The following POU2AF2 variants were observed in gnomAD, a reference collection of about 807,000 sequenced individuals.
The protein encoded by POU2AF2 is POU class 2 homeobox associating factor 2.
At chr11:111,284,679 G>A in the POU2AF2 span, among the ~76,000 whole-genome samples, 1 of 152,214 alleles carries the variant, frequency 6.6e-6, no homozygotes, top group Non-Finnish European at 1.5e-5. Context: ...CCCCCACCCT[G>A]TTAGTGCCAG....
chr11:111,255,261 C>T, the POU2AF2 span, among the ~76,000 whole-genome samples: 2 of 152,128 alleles, frequency 1.3e-5, no homozygotes, highest in Non-Finnish European at 2.9e-5. Context: ...ATAATTTAGT[C>T]GCAGACCTCA....
the POU2AF2 span, among the ~76,000 whole-genome samples, chr11:111,276,453 A>AAAAAAAAAAAATATATAT: frequency 5.3e-5 from 2 of 37,674 alleles, no homozygotes; most frequent in Admixed American, 3.5e-4. Context: ...AAAAAAAAAA[A>AAAAAAAAAAAATATATAT]ATATATATAT....
At chr11:111,269,722 C>T in the POU2AF2 span, among the ~76,000 whole-genome samples, 1 of 152,026 alleles carries the variant, frequency 6.6e-6, no homozygotes, top group African/African-American at 2.4e-5. Flanking sequence ...AATAGCATTC[C>T]AAAGGCATGC....
chr11:111,276,454 ATATAT>A, the POU2AF2 span, among the ~76,000 whole-genome samples: 1,036 of 18,968 alleles, frequency 0.055, 38 homozygotes, highest in African/African-American at 0.14. Flanking sequence ...AAAAAAAAAA[ATATAT>A]ATATATATAT....
At chr11:111,262,033 T>A in the POU2AF2 span, among the ~76,000 whole-genome samples, 1 of 152,212 alleles carries the variant, frequency 6.6e-6, no homozygotes, top group African/African-American at 2.4e-5. Context: ...GCTTTTCAAA[T>A]CAGTATTACT....
the POU2AF2 span, among the ~76,000 whole-genome samples, chr11:111,249,483 T>C: frequency 6.6e-6 from 1 of 152,234 alleles, no homozygotes; most frequent in Non-Finnish European, 1.5e-5. Flanking sequence ...TTCACTTACC[T>C]GTACCCCTGC....
the POU2AF2 span, chr11:111,284,333 C>T: frequency 6.2e-6 from 10 of 1,611,264 alleles, no homozygotes; most frequent in East Asian, 2.2e-4. Flanking sequence ...CCTACCGCCG[C>T]TCCTGCCACC....
At chr11:111,283,963 G>T in the POU2AF2 span, 2 of 890,952 alleles carry the variant, frequency 2.2e-6, no homozygotes, top group Non-Finnish European at 3.6e-6. Flanking sequence ...TGTTAGCGTT[G>T]GAGTCAGGCA....
At chr11:111,284,401 G>A in the POU2AF2 span, 1 of 1,565,404 alleles carries the variant, frequency 6.4e-7, no homozygotes, top group Non-Finnish European at 8.6e-7. Flanking sequence ...GACCTCGTGT[G>A]AGGGAGTAAA....
chr11:111,263,640 C>T, the POU2AF2 span, among the ~76,000 whole-genome samples: 3 of 152,018 alleles, frequency 2.0e-5, no homozygotes, highest in Admixed American at 2.0e-4. Flanking sequence ...ACCATATTGG[C>T]CAGGCTGGTC....
chr11:111,254,695 T>C, the POU2AF2 span, among the ~76,000 whole-genome samples: 1 of 152,210 alleles, frequency 6.6e-6, no homozygotes, highest in African/African-American at 2.4e-5. Context: ...TCATTCTTTT[T>C]ACAATCCAAT....
the POU2AF2 span, among the ~76,000 whole-genome samples, chr11:111,257,940 A>G: frequency 6.6e-6 from 1 of 152,138 alleles, no homozygotes; most frequent in Non-Finnish European, 1.5e-5. Flanking sequence ...CAACATGGTG[A>G]AACCACATCT....
the POU2AF2 span, among the ~76,000 whole-genome samples, chr11:111,262,996 T>C: frequency 6.6e-6 from 1 of 152,346 alleles, no homozygotes; most frequent in African/African-American, 2.4e-5. Flanking sequence ...TGTTTGCTTT[T>C]CAAATCATTA....
the POU2AF2 span, among the ~76,000 whole-genome samples, chr11:111,271,424 C>A: frequency 4.6e-5 from 7 of 151,334 alleles, no homozygotes; most frequent in Non-Finnish European, 1.5e-5. Flanking sequence ...TCTTTTTTTT[C>A]TTTTCTTTTT....
chr11:111,276,453 AATATATATATATAT>A, the POU2AF2 span, among the ~76,000 whole-genome samples: 799 of 37,704 alleles, frequency 0.021, 37 homozygotes, highest in South Asian at 0.13. Context: ...AAAAAAAAAA[AATATATATATATAT>A]ATATATATAT....
the POU2AF2 span, among the ~76,000 whole-genome samples, chr11:111,246,349 A>T: frequency 2.8e-4 from 42 of 152,308 alleles, no homozygotes; most frequent in African/African-American, 9.9e-4. Flanking sequence ...TACATATGAT[A>T]AGGAAGAGTC....
the POU2AF2 span, among the ~76,000 whole-genome samples, chr11:111,260,149 G>A: frequency 6.6e-6 from 1 of 152,156 alleles, no homozygotes; most frequent in African/African-American, 2.4e-5. Context: ...TGATTTGATG[G>A]CTCATACTGA....
the POU2AF2 span, among the ~76,000 whole-genome samples, chr11:111,246,671 A>T: frequency 7.5e-4 from 114 of 152,296 alleles, no homozygotes; most frequent in African/African-American, 2.6e-3. Flanking sequence ...ATTGGTTATT[A>T]GCTGTGACAA....
At chr11:111,272,583 G>C in the POU2AF2 span, among the ~76,000 whole-genome samples, 1 of 152,154 alleles carries the variant, frequency 6.6e-6, no homozygotes, top group Non-Finnish European at 1.5e-5. Context: ...GAGTCTGGCG[G>C]GAAGTGGCAC....
Sources: allele counts gnomAD v4.1 joint callset (sites outside exome capture counted in the v4.1 genomes callset), GRCh38; gene constraint gnomAD v4.1.1; transcripts MANE v1.5; gene names NCBI Gene and HGNC (gene_info 2026-07-23, HGNC 2026-07-21).